Variants in EPHB1 observed in about 807,000 individuals in gnomAD.
EPHB1 encodes EPH receptor B1.
In EPHB1, 30 loss-of-function variants were observed where a neutral mutation model predicts 94.4. That is an observed-to-expected ratio of 0.32 (90% confidence interval 0.24 to 0.43). The LOEUF (loss-of-function observed/expected upper bound fraction) is 0.43, where lower values mean the gene tolerates loss of function less well. Ranked by LOEUF, EPHB1 falls within the 20% of genes least tolerant of loss-of-function variation. EPHB1 has a pLI of 1.00. For missense variants in EPHB1, 1,055 were observed against 1,308.3 expected (o/e 0.81, Z 2.99); for synonymous variants, 522 against 489.1 (o/e 1.07, Z -0.89).
intron 3 of EPHB1, among the ~76,000 whole-genome samples, chr3:135,098,341 AGTGT>A (rs34315780): frequency 8.6e-5 from 13 of 151,018 alleles, no homozygotes; most frequent in South Asian, 2.1e-4. Context: ...GATATGTTTG[AGTGT>A]GTGTGTGTGT....
At chr3:134,796,466 T>A (rs6805457) in intron 1 of EPHB1, 19,975 of 151,796 alleles carry the variant, frequency 0.13, 2,163 homozygotes, top group African/African-American at 0.3. Flanking sequence ...CGGCCGGGAG[T>A]CGTCGGGCAG....
Position 134,896,649 on chromosome 3 carries a change from C to T in EPHB1, c.59-29167C>T, listed in dbSNP as rs16842231. On this transcript the variant is annotated intron_variant, in intron 1 of 15. Coordinates refer to ENST00000398015, the MANE Select transcript of EPHB1 (RefSeq NM_004441.5). ...TGGTCTCCACTGTAAATCTCAATGG[C>T]GCTAACCTTCTCCACACCCTGCTCT... 6.1e-3 allele frequency among the ~76,000 whole-genome samples: 934 copies of T among 152,348 alleles called. 10 individuals carry two copies. The highest frequency in any genetic ancestry group is 0.021 in the African/African-American group (876 of 41,576).
intron 3 of EPHB1, among the ~76,000 whole-genome samples, chr3:135,063,872 A>C (rs1937547459): frequency 6.6e-6 from 1 of 152,138 alleles, no homozygotes; most frequent in Admixed American, 6.5e-5. Context: ...TGTCCCTTGT[A>C]TGCTGATTTT....
chr3:134,797,973 G>T (rs563977182), intron 1 of EPHB1, among the ~76,000 whole-genome samples: 1 of 152,300 alleles, frequency 6.6e-6, no homozygotes, highest in African/African-American at 2.4e-5. Context: ...TACACACGGA[G>T]CCGCCTTCCC....
intron 1 of EPHB1, among the ~76,000 whole-genome samples, chr3:134,863,015 G>A (rs990223742): frequency 6.6e-6 from 1 of 152,228 alleles, no homozygotes; most frequent in Admixed American, 6.5e-5. Context: ...TTCCTGGAGA[G>A]AAGCTGGGGT....
chr3:135,016,956 C>T (rs1458184541), intron 3 of EPHB1, among the ~76,000 whole-genome samples: 1 of 152,280 alleles, frequency 6.6e-6, no homozygotes, highest in South Asian at 2.1e-4. Flanking sequence ...AGCTCCCTTC[C>T]CTCATCTCCA....
chr3:135,232,745 G>C (rs917653718), intron 12 of EPHB1, among the ~76,000 whole-genome samples: 3 of 152,310 alleles, frequency 2.0e-5, no homozygotes, highest in Non-Finnish European at 2.9e-5. Flanking sequence ...TATAAAGAAA[G>C]AGGTTTAATT....
intron 4 of EPHB1, among the ~76,000 whole-genome samples, chr3:135,131,067 C>T (rs532989771): frequency 4.6e-5 from 7 of 152,296 alleles, no homozygotes; most frequent in African/African-American, 1.4e-4. Flanking sequence ...GCCTTCCCAG[C>T]ACTAGCTATG....
chr3:135,158,869 T>C (rs1941430859), intron 6 of EPHB1, among the ~76,000 whole-genome samples: 1 of 152,252 alleles, frequency 6.6e-6, no homozygotes, highest in Admixed American at 6.5e-5. Context: ...TCATAATAAC[T>C]ATATAGGCTA....
intron 1 of EPHB1, among the ~76,000 whole-genome samples, chr3:134,826,029 C>A: frequency 6.8e-6 from 1 of 147,058 alleles, no homozygotes; most frequent in South Asian, 2.2e-4. Context: ...ATCACGAGGT[C>A]AGGAGTTTGA....
intron 1 of EPHB1, among the ~76,000 whole-genome samples, chr3:134,906,686 A>T (rs1168150187): frequency 1.3e-5 from 2 of 152,228 alleles, no homozygotes; most frequent in Non-Finnish European, 2.9e-5. Context: ...AGCCTAACAT[A>T]TGAAGTTTGC....
At position 135,048,257 on chromosome 3, in the gene EPHB1, T is replaced by A. The variant is rs545057049; in HGVS notation, c.806-58191T>A. The stretch of plus-strand genomic sequence containing the variant: ...TTTTTTCTTTTTCTTTCTTTCTTTT[T>A]TCTTTTTTTTTTTTTTTTTTTTTTT... On this transcript the variant is annotated intron_variant, in intron 3 of 15. Transcript: ENST00000398015. 5.6e-3 allele frequency among the ~76,000 whole-genome samples: 771 copies of A among 136,902 alleles called. 7 individuals carry two copies. Among genetic ancestry groups the A allele is most frequent in the African/African-American group, 0.021 (696 of 33,384 alleles). 89.8% of individuals were successfully genotyped at this position (136,902 alleles called of 152,430 possible). A position where few individuals can be genotyped will look rare whatever the true frequency, so the allele number is the denominator to read the frequency against.
intron 3 of EPHB1, among the ~76,000 whole-genome samples, chr3:135,038,946 C>G (rs1936737187): frequency 6.6e-6 from 1 of 152,124 alleles, no homozygotes; most frequent in Admixed American, 6.5e-5. Flanking sequence ...CCTGTTTTGT[C>G]ACGGCGCTGA....
At chr3:135,190,415 A>G (rs1942424878) in intron 10 of EPHB1, among the ~76,000 whole-genome samples, 1 of 152,242 alleles carries the variant, frequency 6.6e-6, no homozygotes. Flanking sequence ...ATATTCTTCC[A>G]TTAGTATACT....
intron 15 of EPHB1, among the ~76,000 whole-genome samples, chr3:135,252,461 C>A (rs1047789037): frequency 4.8e-5 from 7 of 144,630 alleles, no homozygotes; most frequent in South Asian, 2.2e-4. Context: ...TGAGAATATG[C>A]GGTGTTTGGT....
At chr3:134,898,539 T>A (rs532011645) in intron 1 of EPHB1, among the ~76,000 whole-genome samples, 8 of 152,194 alleles carry the variant, frequency 5.3e-5, no homozygotes, top group African/African-American at 1.9e-4. Flanking sequence ...CCCTGGAGAC[T>A]CCAGACAAGT....
rs140997735 is a variant in EPHB1, at chr3:134,996,348, C to T, written c.805+44296C>T. Among the ~76,000 whole-genome samples, 80 of 152,176 alleles carry T rather than the reference C, an allele frequency of 5.3e-4. No individual in the cohort carries two copies. In the Middle Eastern group the frequency reaches 0.01, roughly 19 times the overall value. ...AGCTGGGACTGCAGGCACACAACAC[C>T]ACACCCAGCCAATTTTTTGTAGAGA... On this transcript the variant is annotated intron_variant, in intron 3 of 15. Coordinates refer to ENST00000398015, the MANE Select transcript of EPHB1 (RefSeq NM_004441.5).
At chr3:135,105,447 G>A (rs896533338) in intron 3 of EPHB1, among the ~76,000 whole-genome samples, 2 of 152,178 alleles carry the variant, frequency 1.3e-5, no homozygotes, top group African/African-American at 4.8e-5. Flanking sequence ...CAGGAAGAGT[G>A]GGGGCTGAGA....
chr3:134,804,388 G>C (rs572180064), intron 1 of EPHB1, among the ~76,000 whole-genome samples: 1 of 151,824 alleles, frequency 6.6e-6, no homozygotes, highest in African/African-American at 2.4e-5. Context: ...TTCCCTTGGC[G>C]TTGGTCCCTC....
Sources: gnomAD v4.1 joint callset for allele counts (sites outside exome capture counted in the v4.1 genomes callset) on GRCh38, gnomAD v4.1.1 for gene constraint, MANE v1.5 for transcripts, NCBI Gene and HGNC (gene_info 2026-07-23, HGNC 2026-07-21) for gene names.